NRXN3: variants seen among roughly 807,000 people sequenced by gnomAD.
NRXN3 encodes the protein neurexin III.
A neutral mutation model predicts 137.6 loss-of-function variants in NRXN3; 32 were observed. The ratio of observed to expected loss-of-function variants is 0.23; its 90% CI spans 0.18 to 0.31. NRXN3 has a LOEUF of 0.31. NRXN3 is among the 10% of genes least tolerant of loss of function. The probability of loss-of-function intolerance (pLI) is 1.00; values close to 1 mark genes in which losing one functional copy is unlikely to be tolerated. For synonymous variants in NRXN3, 798 were observed against 784.5 expected (o/e 1.02, Z -0.29); for missense variants, 1,574 against 2,062.5 (o/e 0.76, Z 4.59).
intron 15 of NRXN3, among the ~76,000 whole-genome samples, chr14:79,011,744 A>T (rs906747465): frequency 6.6e-6 from 1 of 152,108 alleles, no homozygotes; most frequent in Non-Finnish European, 1.5e-5. Flanking sequence ...TTGGGTGTTC[A>T]TATTAAGCAC....
intron 15 of NRXN3, among the ~76,000 whole-genome samples, chr14:79,153,316 G>C (rs2059966326): frequency 6.6e-6 from 1 of 151,946 alleles, no homozygotes; most frequent in African/African-American, 2.4e-5. Context: ...TATTTGAAAA[G>C]GGAATATGGT....
At chr14:79,819,559 A>ACTACAACCTCCGCCTCC (rs997853360) in intron 20 of NRXN3, among the ~76,000 whole-genome samples, 1 of 131,058 alleles carries the variant, frequency 7.6e-6, no homozygotes, top group Non-Finnish European at 1.5e-5. Context: ...ATCTCGGCTC[A>ACTACAACCTCCGCCTCC]CTACAACCTC....
intron 10 of NRXN3, among the ~76,000 whole-genome samples, chr14:78,954,459 G>A (rs1048669164): frequency 6.6e-6 from 1 of 151,992 alleles, no homozygotes; most frequent in Admixed American, 6.6e-5. Flanking sequence ...GGCATGAGAA[G>A]CTTCAGTTTT....
At chr14:78,801,061 C>T (rs1451164013) in intron 8 of NRXN3, among the ~76,000 whole-genome samples, 1 of 152,220 alleles carries the variant, frequency 6.6e-6, no homozygotes, top group Non-Finnish European at 1.5e-5. Context: ...GTGGCTCACG[C>T]CTGTAATCCC....
At chr14:79,345,126 T>C (rs2092803112) in intron 15 of NRXN3, among the ~76,000 whole-genome samples, 1 of 152,144 alleles carries the variant, frequency 6.6e-6, no homozygotes, top group Non-Finnish European at 1.5e-5. Flanking sequence ...TTTGGGTATT[T>C]GCACGTTCCA....
chr14:79,609,798 G>A (rs1001272411), intron 16 of NRXN3, among the ~76,000 whole-genome samples: 1 of 152,148 alleles, frequency 6.6e-6, no homozygotes, highest in Non-Finnish European at 1.5e-5. Context: ...ACTTCATGGA[G>A]TTTGTAGAGA....
chr14:79,341,082 A>G (rs1246875093), intron 15 of NRXN3, among the ~76,000 whole-genome samples: 5 of 152,076 alleles, frequency 3.3e-5, no homozygotes, highest in Admixed American at 6.5e-5. Flanking sequence ...CAGATGATTG[A>G]GGGGTTTTTG....
chr14:79,217,728 C>A (rs2068791742), intron 15 of NRXN3, among the ~76,000 whole-genome samples: 1 of 152,052 alleles, frequency 6.6e-6, no homozygotes, highest in South Asian at 2.1e-4. Context: ...CCTGCTCCCT[C>A]CCCCAGAAAC....
At chr14:79,155,157 G>C (rs1027972735) in intron 15 of NRXN3, among the ~76,000 whole-genome samples, 4 of 151,876 alleles carry the variant, frequency 2.6e-5, no homozygotes, top group African/African-American at 9.7e-5. Flanking sequence ...TTCATCAATG[G>C]TGGAGCATCC....
chr14:78,678,909 A>C (rs2098041461), intron 6 of NRXN3, among the ~76,000 whole-genome samples: 1 of 152,092 alleles, frequency 6.6e-6, no homozygotes, highest in Non-Finnish European at 1.5e-5. Context: ...CTGTCTTTTA[A>C]ATTTAGAACT....
intron 8 of NRXN3, among the ~76,000 whole-genome samples, chr14:78,757,737 T>C (rs2098675566): frequency 6.6e-6 from 1 of 152,182 alleles, no homozygotes; most frequent in African/African-American, 2.4e-5. Flanking sequence ...TGTGAATAAA[T>C]TCTGGGGTTT....
chr14:78,236,563 G>A (rs941303754), intron 1 of NRXN3, among the ~76,000 whole-genome samples: 6 of 152,160 alleles, frequency 3.9e-5, no homozygotes, highest in Non-Finnish European at 8.8e-5. Flanking sequence ...TTGGACATTT[G>A]TAAGCATTTC....
At chr14:78,421,674 T>TTTTC (rs575175568) in intron 4 of NRXN3, among the ~76,000 whole-genome samples, 1 of 152,016 alleles carries the variant, frequency 6.6e-6, no homozygotes, top group Non-Finnish European at 1.5e-5. Flanking sequence ...GTAATTTTAG[T>TTTTC]TTTCTTTCTT....
chr14:78,628,450 A>G (rs151290671), intron 4 of NRXN3, among the ~76,000 whole-genome samples: 95 of 152,314 alleles, frequency 6.2e-4, no homozygotes, highest in Admixed American at 1.6e-3. Context: ...AAAATATGAC[A>G]TGCTAAAATG....
At chr14:78,915,272 C>A (rs1172300647) in intron 10 of NRXN3, among the ~76,000 whole-genome samples, 1 of 131,090 alleles carries the variant, frequency 7.6e-6, no homozygotes, top group East Asian at 2.5e-4. Flanking sequence ...TTATAAAACA[C>A]TGGTATTTAA....
chr14:79,629,809 ATGTGCGTGTGTG>A (rs1245177370), intron 16 of NRXN3, among the ~76,000 whole-genome samples: 5 of 150,696 alleles, frequency 3.3e-5, no homozygotes, highest in African/African-American at 9.9e-5. Flanking sequence ...GTGTGTGTGT[ATGTGCGTGTGTG>A]TGTGCGTGTG....
At chr14:78,430,235 C>G (rs2093826354) in intron 4 of NRXN3, among the ~76,000 whole-genome samples, 2 of 152,180 alleles carry the variant, frequency 1.3e-5, no homozygotes, top group South Asian at 4.1e-4. Flanking sequence ...AACACCCTGT[C>G]TCAATTTTTG....
At chr14:79,688,546 G>A (rs775111330) in intron 17 of NRXN3, among the ~76,000 whole-genome samples, 28 of 152,024 alleles carry the variant, frequency 1.8e-4, no homozygotes, top group African/African-American at 6.0e-4. Flanking sequence ...AATAAATTTC[G>A]AGTCTCACCT....
At chr14:78,578,565 A>G (rs889517240) in intron 4 of NRXN3, among the ~76,000 whole-genome samples, 3 of 152,222 alleles carry the variant, frequency 2.0e-5, no homozygotes, top group Non-Finnish European at 4.4e-5. Flanking sequence ...CAAAAACACA[A>G]AAACAAAAAC....
Sources: allele counts gnomAD v4.1 joint callset (sites outside exome capture counted in the v4.1 genomes callset), GRCh38; gene constraint gnomAD v4.1.1; transcripts MANE v1.5; gene names NCBI Gene and HGNC (gene_info 2026-07-23, HGNC 2026-07-21).